Variants in NEK1 observed in about 807,000 individuals in gnomAD.
The protein encoded by NEK1 is NIMA related kinase 1, also known as serine/threonine-protein kinase Nek1.
NEK1 carries 137 observed loss-of-function variants against 182.1 expected under a neutral mutation model. The observed-to-expected ratio is 0.75, with a 90% confidence interval of 0.65 to 0.87. The LOEUF (loss-of-function observed/expected upper bound fraction) is 0.87. Ranked by LOEUF, NEK1 falls within the 40% of genes least tolerant of loss-of-function variation. NEK1 has a pLI of 0.00. For missense variants in NEK1, 1,391 were observed against 1,494.4 expected (o/e 0.93, Z 1.14); for synonymous variants, 513 against 492.2 (o/e 1.04, Z -0.56).
In NEK1 at chr4:169,400,671, TAG is replaced by T. The variant is rs1731508666; in HGVS notation, c.3584-22_3584-21del. 6.5e-7 allele frequency: 1 copy of T among 1,531,972 alleles called. No individual in the cohort carries two copies. The highest frequency in any genetic ancestry group is 1.2e-5 in the South Asian group (1 of 80,174). 94.9% of individuals were successfully genotyped at this position (1,531,972 alleles called of 1,614,324 possible). A position where few individuals can be genotyped will look rare whatever the true frequency, so the allele number is the denominator to read the frequency against. On this transcript the variant is annotated intron_variant, in intron 33 of 35. Transcript: ENST00000507142. ...TGTTATCTAAAAAACAAAATTAAAA[TAG>T]AGATTTGATTTAAAAAGACTGAATA...
Position 169,480,361 on chromosome 4 carries a change from C to T in NEK1, c.2008-827G>A, listed in dbSNP as rs58498217. Among the ~76,000 whole-genome samples the T allele has an allele frequency of 2.3e-4, 35 of 152,136 alleles. No homozygotes were observed. The East Asian group carries it at 4.6e-3, about 20-fold the overall frequency. On this transcript the variant is annotated intron_variant, in intron 23 of 35. Coordinates refer to ENST00000507142, the MANE Select transcript of NEK1 (RefSeq NM_001199397.3). ...ACTTGGTTCCAGACCACTGCAATAA[C>T]GGTAATATTGCAATAAAGTGAGTCA...
chr4:169,597,777 AC>A (rs1450559858), intron 5 of NEK1, among the ~76,000 whole-genome samples: 2 of 152,012 alleles, frequency 1.3e-5, no homozygotes, highest in Non-Finnish European at 2.9e-5. Flanking sequence ...TCCTAAAAAT[AC>A]AAAAAATTAG....
chr4:169,417,519 G>T (rs1047312481), intron 31 of NEK1, among the ~76,000 whole-genome samples: 1 of 152,148 alleles, frequency 6.6e-6, no homozygotes, highest in African/African-American at 2.4e-5. Flanking sequence ...TGAAATAGAT[G>T]AATAATCTGT....
At chr4:169,400,026 T>TAG (rs1397358986) in intron 35 of NEK1, 199 bp downstream of exon 35, 21 of 623,806 alleles carry the variant, frequency 3.4e-5, no homozygotes, top group Non-Finnish European at 5.4e-5. Flanking sequence ...AATATGGACT[T>TAG]AAAGGACTTA....
intron 31 of NEK1, among the ~76,000 whole-genome samples, chr4:169,414,827 T>A (rs1488741447): frequency 6.6e-6 from 1 of 152,230 alleles, no homozygotes; most frequent in Non-Finnish European, 1.5e-5. Flanking sequence ...AACAAACTGA[T>A]CATTAATCAA....
At chr4:169,529,435 T>C (rs1353204635) in intron 19 of NEK1, among the ~76,000 whole-genome samples, 2 of 152,138 alleles carry the variant, frequency 1.3e-5, no homozygotes, top group Non-Finnish European at 2.9e-5. Context: ...AACGTCTTCT[T>C]CCTGGATCAT....
At chr4:169,502,056 T>C (rs773189088) in intron 23 of NEK1, among the ~76,000 whole-genome samples, 2 of 150,982 alleles carry the variant, frequency 1.3e-5, no homozygotes, top group Non-Finnish European at 3.0e-5. Context: ...ATAACAAAGG[T>C]GACATTACAA....
Position 169,509,112 on chromosome 4 carries a change from G to C in NEK1, c.1666-260C>G, listed in dbSNP as rs60370426. On this transcript the variant is annotated intron_variant, in intron 19 of 35. Transcript: ENST00000507142. ...TCTTTGTGTTAGTCACTTAAGAGGG[G>C]TTTTTTTTGTTTGCTTGTTTGTTTG... is the stretch of plus-strand genomic sequence containing the variant. Among the ~76,000 whole-genome samples the C allele has an allele frequency of 0.097, 14,744 of 151,842 alleles. 795 individuals carry two copies. The highest frequency in any genetic ancestry group is 0.17 in the East Asian group (875 of 5,162).
chr4:169,492,017 G>A (rs151330289), intron 23 of NEK1, among the ~76,000 whole-genome samples: 2,027 of 152,224 alleles, frequency 0.013, 23 homozygotes, highest in Non-Finnish European at 0.019. Context: ...AAATGAGAAC[G>A]AGAAAGGAAT....
intron 11 of NEK1, among the ~76,000 whole-genome samples, chr4:169,578,343 G>A (rs1766048172): frequency 6.6e-6 from 1 of 152,068 alleles, no homozygotes; most frequent in Non-Finnish European, 1.5e-5. Flanking sequence ...CTCCCCTAAA[G>A]CCTAAGCAGC....
At chr4:169,577,536 G>A (rs1248547055) in intron 11 of NEK1, among the ~76,000 whole-genome samples, 1 of 152,138 alleles carries the variant, frequency 6.6e-6, no homozygotes, top group African/African-American at 2.4e-5. Flanking sequence ...GGGAGGCCGA[G>A]GCGGGTGGAT....
intron 18 of NEK1, among the ~76,000 whole-genome samples, chr4:169,553,028 A>G (rs1393354758): frequency 1.3e-5 from 2 of 152,184 alleles, no homozygotes; most frequent in Non-Finnish European, 2.9e-5. Context: ...CACAATCCCA[A>G]TCAAAATCCC....
At chr4:169,590,358 G>A (rs1036959608) in intron 6 of NEK1, among the ~76,000 whole-genome samples, 1 of 135,782 alleles carries the variant, frequency 7.4e-6, no homozygotes, top group African/African-American at 3.1e-5. Context: ...ACAGGCAAAA[G>A]GCACATACTT....
At chr4:169,471,829 A>G (rs1457802225) in intron 26 of NEK1, among the ~76,000 whole-genome samples, 1 of 152,028 alleles carries the variant, frequency 6.6e-6, no homozygotes, top group Non-Finnish European at 1.5e-5. Context: ...CTGCCCAGAG[A>G]GGAGGAATCT....
At chr4:169,564,753 G>A (rs1011389593) in intron 12 of NEK1, among the ~76,000 whole-genome samples, 8 of 152,124 alleles carry the variant, frequency 5.3e-5, no homozygotes, top group Non-Finnish European at 1.2e-4. Flanking sequence ...TATTGAGTAT[G>A]AGACCAGGAA....
intron 31 of NEK1, among the ~76,000 whole-genome samples, chr4:169,415,034 A>G (rs1734301700): frequency 1.3e-5 from 2 of 152,220 alleles, no homozygotes; most frequent in South Asian, 4.1e-4. Flanking sequence ...TTATCAACCA[A>G]CAACATAGAG....
intron 23 of NEK1, among the ~76,000 whole-genome samples, chr4:169,482,179 C>T (rs750957699): frequency 5.3e-5 from 8 of 152,192 alleles, no homozygotes; most frequent in Non-Finnish European, 1.0e-4. Flanking sequence ...GAGTTAGGGC[C>T]TTGCTCTGGA....
At chr4:169,469,288 A>G (rs1177396274) in intron 26 of NEK1, among the ~76,000 whole-genome samples, 1 of 152,130 alleles carries the variant, frequency 6.6e-6, no homozygotes, top group Non-Finnish European at 1.5e-5. Flanking sequence ...ACACTGCTTT[A>G]GCTGTGTCCC....
chr4:169,400,486 C>T (rs1198838757), intron 34 of NEK1, 35 bp downstream of exon 34: 1 of 1,567,714 alleles, frequency 6.4e-7, no homozygotes, highest in Non-Finnish European at 8.6e-7. Context: ...TCAAACATAG[C>T]ACATTTTAAG....
Sources: gnomAD v4.1 joint callset for allele counts (sites outside exome capture counted in the v4.1 genomes callset) on GRCh38, gnomAD v4.1.1 for gene constraint, MANE v1.5 for transcripts, NCBI Gene and HGNC (gene_info 2026-07-23, HGNC 2026-07-21) for gene names.